FLNB: variants seen among roughly 807,000 people sequenced by gnomAD.
FLNB encodes the protein filamin-B.
FLNB carries 111 observed loss-of-function variants against 250.6 expected under a neutral mutation model. The ratio of observed to expected loss-of-function variants is 0.44; its 90% CI spans 0.38 to 0.52. The LOEUF (loss-of-function observed/expected upper bound fraction) is 0.52. FLNB is among the 20% of genes least tolerant of loss of function. FLNB has a pLI of 0.00. For synonymous variants in FLNB, 1,302 were observed against 1,372.1 expected, an observed-to-expected ratio of 0.95 and a Z score of 1.13; for missense variants, 2,869 against 3,447.8, an observed-to-expected ratio of 0.83 and a Z score of 4.20.
chr3:58,039,226 G>T (rs1295375704), intron 1 of FLNB, among the ~76,000 whole-genome samples: 1 of 148,116 alleles, frequency 6.8e-6, no homozygotes, highest in Admixed American at 6.8e-5. Context: ...AATTGCATAA[G>T]TATCATCAGA....
chr3:58,121,153 G>C (rs1248565222), intron 19 of FLNB, 88 bp from the exon 20 acceptor site: 1 of 1,563,024 alleles, frequency 6.4e-7, no homozygotes, highest in African/African-American at 1.4e-5. Flanking sequence ...AAGTCCCCGT[G>C]TCCAAAGAAC....
chr3:58,054,649 G>A (rs1175242334), intron 1 of FLNB, among the ~76,000 whole-genome samples: 2 of 152,106 alleles, frequency 1.3e-5, no homozygotes, highest in African/African-American at 4.8e-5. Context: ...GCAGCATGGG[G>A]GTAACCATTC....
At chr3:58,098,013 G>T (rs140265171) in intron 7 of FLNB, 36 bp downstream of exon 7, 5 of 1,610,166 alleles carry the variant, frequency 3.1e-6, no homozygotes, top group South Asian at 2.2e-5. Flanking sequence ...TGACCTTTGC[G>T]CTTTCTTCCA....
intron 8 of FLNB, among the ~76,000 whole-genome samples, chr3:58,101,390 C>A (rs781235540): frequency 6.6e-6 from 1 of 152,150 alleles, no homozygotes; most frequent in Admixed American, 6.5e-5. Context: ...AAAGGTTGTC[C>A]GTGCTGGGCA....
At position 58,121,402 on chromosome 3, in the gene FLNB, C is replaced by T. The variant is rs760728571; in HGVS notation, c.3025C>T (p.Arg1009Trp). Residue 1009 changes from arginine to tryptophan, a missense_variant, in exon 20 of 46, where the codon CGG becomes TGG. Around this residue, in one of 5 missense-constraint regions of FLNB, gnomAD observed 1,348 missense variants for 1,466.7 expected, o/e 0.92. Coordinates refer to ENST00000295956, the MANE Select transcript of FLNB (RefSeq NM_001457.4). ...GAACAGCACGGCCAAGTTCATCCCT[C>T]GGGAGGAGGGGCTGTATGCTGTAGA... Reference protein sequence around the residue: ...RENSTAKFIPREEGLYAVDVT... With the variant: ...RENSTAKFIPWEEGLYAVDVT... 16 of 1,613,960 alleles carry T rather than the reference C, an allele frequency of 9.9e-6. No homozygotes were observed. The highest frequency in any genetic ancestry group is 1.4e-5 in the Non-Finnish European group (16 of 1,180,024).
rs1224604978 is a variant in FLNB, at chr3:58,078,927, C to T, written c.639+113C>T. ...TTCTTGGCATTGAGACTTCAGAGAG[C>T]ATTGCCTGTGATGCTCTCTCATCTT... is the stretch of plus-strand genomic sequence containing the variant. On this transcript the variant is annotated intron_variant, in intron 3 of 45. Transcript: ENST00000295956. 5.5e-6 allele frequency: 4 copies of T among 731,228 alleles called. No individual in the cohort carries two copies. In the African/African-American group the frequency reaches 6.9e-5, roughly 13 times the overall value. The allele number at this position is 731,228 out of a possible 1,614,324, so 45.3% of individuals were successfully genotyped here.
intron 1 of FLNB, among the ~76,000 whole-genome samples, chr3:58,042,128 A>G (rs899445509): frequency 2.0e-5 from 3 of 152,090 alleles, no homozygotes; most frequent in South Asian, 4.1e-4. Flanking sequence ...TCTGCAACCT[A>G]GGTTGAACAA....
intron 1 of FLNB, among the ~76,000 whole-genome samples, chr3:58,013,164 G>A (rs1484331251): frequency 6.6e-6 from 1 of 152,236 alleles, no homozygotes; most frequent in African/African-American, 2.4e-5. Context: ...AGCCAGCTGG[G>A]AGGAAAAGGG....
intron 1 of FLNB, among the ~76,000 whole-genome samples, chr3:58,049,195 T>C (rs899191483): frequency 6.6e-6 from 1 of 152,208 alleles, no homozygotes; most frequent in African/African-American, 2.4e-5. Flanking sequence ...TAAATTAATA[T>C]GTAACTGATA....
At position 58,123,308 on chromosome 3, in the gene FLNB, A is replaced by G; in HGVS notation, c.3342A>G (p.Glu1114=). ...PGEYFVNILF[E]EVHIPGSPFK... is the part of the protein sequence containing the mutation. The stretch of plus-strand genomic sequence containing the variant: ...AGTACTTCGTCAACATCCTCTTTGA[A>G]GAAGTCCACATACCTGGGTCTCCCT... The change falls in exon 21 of 46, where the codon GAA becomes GAG. Residue 1114 remains glutamate, a synonymous_variant. Transcript: ENST00000295956. The G allele has an allele frequency of 6.2e-7, 1 of 1,614,182 alleles. No homozygotes were observed. The highest frequency in any genetic ancestry group is 8.5e-7 in the Non-Finnish European group (1 of 1,180,018).
At chr3:58,149,755 T>C in intron 36 of FLNB, 95 bp from the exon 37 acceptor site, 2 of 1,486,606 alleles carry the variant, frequency 1.3e-6, no homozygotes, top group Middle Eastern at 1.9e-4. Flanking sequence ...TAGAAATAGA[T>C]TGAGGCGTAA....
At chr3:58,033,051 CAA>C (rs1048046145) in intron 1 of FLNB, among the ~76,000 whole-genome samples, 1 of 152,128 alleles carries the variant, frequency 6.6e-6, no homozygotes, top group Non-Finnish European at 1.5e-5. Flanking sequence ...CCAGCCTGGG[CAA>C]AAGAGTGAGA....
intron 20 of FLNB, 86 bp downstream of exon 20, chr3:58,121,589 CCTT>C (rs1196433836): frequency 1.7e-4 from 272 of 1,557,032 alleles, no homozygotes; most frequent in Non-Finnish European, 3.9e-5. Flanking sequence ...CTGGCAAAGA[CCTT>C]CTGAAAATCG....
chr3:58,148,909 G>A lies in FLNB; in HGVS notation c.6091+57G>A, dbSNP rs1010698997. 14 of 1,482,204 alleles carry A rather than the reference G, an allele frequency of 9.4e-6. No homozygotes were observed. The African/African-American group carries it at 1.8e-4, about 19-fold the overall frequency. The allele number at this position is 1,482,204 out of a possible 1,614,324, so 91.8% of individuals were successfully genotyped here. On this transcript the variant is annotated intron_variant, in intron 36 of 45. Transcript: ENST00000295956. ...CTTGTGGGAACCGACTTATTTTGCT[G>A]AGGCAGCGTCATCTTTTCATCCTAC...
chr3:58,073,074 T>G (rs1487909530), intron 1 of FLNB, among the ~76,000 whole-genome samples: 1 of 152,174 alleles, frequency 6.6e-6, no homozygotes, highest in Non-Finnish European at 1.5e-5. Flanking sequence ...CATAGCTCCA[T>G]CCAATCCCTC....
intron 1 of FLNB, among the ~76,000 whole-genome samples, chr3:58,038,942 T>C (rs1449067510): frequency 4.6e-5 from 7 of 151,996 alleles, no homozygotes. Context: ...AAAGCAACAA[T>C]TGGGCTGGGC....
At position 58,150,286 on chromosome 3, in the gene FLNB, G is replaced by A. The variant is rs1470116224; in HGVS notation, c.6367+59G>A. The stretch of plus-strand genomic sequence containing the variant: ...TTGGCTCCAGCCTTCAGGGCAGTGG[G>A]TGCCTTTGGGAACCAAGTTTAGGCA... On this transcript the variant is annotated intron_variant, in intron 38 of 45. Transcript: ENST00000295956. 7 of 1,609,196 alleles carry A rather than the reference G, an allele frequency of 4.3e-6. 1 individual carries two copies. The highest frequency in any genetic ancestry group is 2.2e-5 in the South Asian group (2 of 90,962).
At chr3:58,132,328 T>G (rs2097308835) in intron 25 of FLNB, 2 of 435,886 alleles carry the variant, frequency 4.6e-6, no homozygotes, top group Non-Finnish European at 8.4e-6. Flanking sequence ...CCCAGCATGC[T>G]GGTACCACAG....
At chr3:58,091,688 T>C (rs1158775365) in intron 4 of FLNB, among the ~76,000 whole-genome samples, 2 of 152,150 alleles carry the variant, frequency 1.3e-5, no homozygotes, top group Non-Finnish European at 2.9e-5. Flanking sequence ...TTAAGAAGGA[T>C]GGTCTGTCTC....
Sources: gnomAD v4.1 joint callset for allele counts (sites outside exome capture counted in the v4.1 genomes callset) on GRCh38, gnomAD v4.1.1 for gene constraint, gnomAD v4.1.1 regional missense constraint, MANE v1.5 for transcripts, NCBI Gene and HGNC (gene_info 2026-07-23, HGNC 2026-07-21) for gene names.